The following XPO1 variants were observed in gnomAD, a reference collection of about 807,000 sequenced individuals.
The protein encoded by XPO1 is exportin 1.
Under a neutral mutation model 133.3 loss-of-function variants are expected in XPO1, and 5 were observed. The observed-to-expected ratio is 0.04, with a 90% CI of 0.02 to 0.08. The LOEUF is 0.08. XPO1 is among the 10% of genes least tolerant of loss of function. The pLI is 1.00. For missense variants in XPO1, 506 were observed against 1,267.5 expected (o/e 0.40, Z 9.12); for synonymous variants, 419 against 408.2 (o/e 1.03, Z -0.32).
intron 24 of XPO1, chr2:61,480,199 T>C (rs1443011823): frequency 6.6e-6 from 1 of 151,700 alleles, no homozygotes. Flanking sequence ...CCAAGAAAGA[T>C]GTTTCTCCTA....
intron 4 of XPO1, among the ~76,000 whole-genome samples, chr2:61,516,598 G>C (rs747638077): frequency 1.3e-4 from 20 of 151,792 alleles, no homozygotes; most frequent in Non-Finnish European, 2.6e-4. Flanking sequence ...ATTTGTAGTA[G>C]AGATGGGGTT....
Position 61,486,759 on chromosome 2 carries a change from C to A in XPO1, c.2314-797G>T, listed in dbSNP as rs191740738. On this transcript the variant is annotated intron_variant, in intron 19 of 24. Transcript: ENST00000401558. ...GCTAACTGGTGAGTATTTTCACAAG[C>A]AGAAATAACATCAATCAATTACTCT... is the stretch of plus-strand genomic sequence containing the variant. 2.7e-3 allele frequency among the ~76,000 whole-genome samples: 417 copies of A among 152,198 alleles called. 1 individual carries two copies. Among genetic ancestry groups the A allele is most frequent in the African/African-American group, 9.4e-3 (391 of 41,526 alleles).
intron 11 of XPO1, chr2:61,494,350 T>C (rs1231824955): frequency 8.6e-6 from 3 of 350,182 alleles, no homozygotes; most frequent in East Asian, 6.4e-5. Flanking sequence ...ACGACATTTA[T>C]TTAAAAGGCC....
intron 20 of XPO1, chr2:61,484,714 G>C (rs980037938): frequency 6.6e-6 from 1 of 152,582 alleles, no homozygotes; most frequent in Non-Finnish European, 1.5e-5. Context: ...TGCAAGCTCC[G>C]CCTCCCGGGT....
chr2:61,499,694 A>T lies in XPO1; in HGVS notation c.590+19T>A. ...TTTGAGAAATCACTTTAAAATTCTAAAACATAATTATTACTTGCCTGTCTT... is the reference window on the plus strand; with the variant it reads ...TTTGAGAAATCACTTTAAAATTCTATAACATAATTATTACTTGCCTGTCTT... On this transcript the variant is annotated intron_variant, in intron 7 of 24. Coordinates refer to ENST00000401558, the MANE Select transcript of XPO1 (RefSeq NM_003400.4). The T allele has an allele frequency of 6.4e-7, 1 of 1,554,996 alleles. No individual in the cohort carries two copies. The highest frequency in any genetic ancestry group is 8.6e-7 in the Non-Finnish European group (1 of 1,157,326).
intron 3 of XPO1, chr2:61,525,658 G>C: frequency 9.8e-7 from 1 of 1,024,064 alleles, no homozygotes; most frequent in Non-Finnish European, 1.2e-6. Context: ...GTTACTTAAG[G>C]TTAGCACTTT....
intron 6 of XPO1, among the ~76,000 whole-genome samples, chr2:61,500,578 CAA>C (rs56213841): frequency 2.0e-4 from 8 of 40,410 alleles, no homozygotes; most frequent in African/African-American, 5.4e-4. Context: ...GACTCCATCT[CAA>C]AAAAAAAAAA....
chr2:61,479,503 A>G (rs937186300), intron 24 of XPO1, among the ~76,000 whole-genome samples: 3 of 152,178 alleles, frequency 2.0e-5, no homozygotes, highest in East Asian at 1.9e-4. Flanking sequence ...AATAGTCTTC[A>G]ATGTGATTAT....
intron 4 of XPO1, among the ~76,000 whole-genome samples, chr2:61,504,880 GA>G (rs1483822300): frequency 6.6e-6 from 1 of 151,832 alleles, no homozygotes; most frequent in Non-Finnish European, 1.5e-5. Context: ...TCCTAATTAC[GA>G]AAAAAATATT....
intron 9 of XPO1, 71 bp downstream of exon 9, chr2:61,498,602 T>C (rs1019537229): frequency 6.4e-7 from 1 of 1,564,236 alleles, no homozygotes; most frequent in Non-Finnish European, 8.7e-7. Flanking sequence ...AATGCAGAGA[T>C]GAGAGCTTTA....
At chr2:61,504,020 G>A (rs528785901) in intron 4 of XPO1, among the ~76,000 whole-genome samples, 1 of 152,264 alleles carries the variant, frequency 6.6e-6, no homozygotes, top group African/African-American at 2.4e-5. Context: ...ACTCCAGCCT[G>A]GGCAACAGAG....
chr2:61,480,280 T>A (rs971904392), intron 24 of XPO1: 1 of 18,852 alleles, frequency 5.3e-5, no homozygotes, highest in Non-Finnish European at 1.1e-4. Context: ...ATCAGTTAAC[T>A]TTTTTTTTTT....
chr2:61,511,010 G>T (rs1156519046), intron 4 of XPO1, among the ~76,000 whole-genome samples: 1 of 151,776 alleles, frequency 6.6e-6, no homozygotes, highest in Non-Finnish European at 1.5e-5. Context: ...TCAAGTATAG[G>T]CCTTTCATGG....
At chr2:61,527,970 A>C (rs1364575719) in intron 2 of XPO1, among the ~76,000 whole-genome samples, 2 of 150,152 alleles carry the variant, frequency 1.3e-5, no homozygotes, top group African/African-American at 4.9e-5. Flanking sequence ...TCTGTCACCC[A>C]GGCTGGAGTG....
rs752704295 is a variant in XPO1, at chr2:61,481,321, T to C, written c.2973-40A>G. The C allele has an allele frequency of 4.0e-6, 6 of 1,510,726 alleles. No homozygotes were observed. The South Asian group carries it at 5.9e-5, about 15-fold the overall frequency. 93.6% of individuals were successfully genotyped at this position (1,510,726 alleles called of 1,614,324 possible). On this transcript the variant is annotated intron_variant, in intron 23 of 24. Coordinates refer to ENST00000401558, the MANE Select transcript of XPO1 (RefSeq NM_003400.4). ...ACAATGATTAAATAATGATTTATTT[T>C]TCCCCCGAGACAGAGTATTGCTCTG...
chr2:61,532,833 G>GA (rs111927772), intron 2 of XPO1, among the ~76,000 whole-genome samples: 1,746 of 135,018 alleles, frequency 0.013, 32 homozygotes, highest in African/African-American at 0.041. Context: ...GACTCCATCT[G>GA]AAAAAAAAAA....
intron 1 of XPO1, chr2:61,534,588 CAGG>C (rs1699284015): frequency 6.6e-6 from 1 of 152,214 alleles, no homozygotes; most frequent in African/African-American, 2.4e-5. Context: ...GAAGCTGAGG[CAGG>C]AGAACTGCTT....
Position 61,523,956 on chromosome 2 carries a change from C to T in XPO1, c.229-1273G>A, listed in dbSNP as rs569322325. Among the ~76,000 whole-genome samples the T allele has an allele frequency of 2.0e-5, 3 of 152,272 alleles. No homozygotes were observed. The South Asian group carries it at 6.2e-4, about 32-fold the overall frequency. On this transcript the variant is annotated intron_variant, in intron 3 of 24. Transcript: ENST00000401558. ...AAATTCTAAAATTACAAATTTGATG[C>T]TATTAAAATGTTTCATAATCAGCAG...
At chr2:61,525,054 G>A (rs1231727991) in intron 3 of XPO1, among the ~76,000 whole-genome samples, 1 of 151,770 alleles carries the variant, frequency 6.6e-6, no homozygotes, top group Non-Finnish European at 1.5e-5. Context: ...CTCCAAACTT[G>A]AGAAATCCAC....
Sources: gnomAD v4.1 joint callset for allele counts (sites outside exome capture counted in the v4.1 genomes callset) on GRCh38, gnomAD v4.1.1 for gene constraint, MANE v1.5 for transcripts, NCBI Gene and HGNC (gene_info 2026-07-23, HGNC 2026-07-21) for gene names.